Variants in AKAP12 observed in about 807,000 individuals in gnomAD.
AKAP12 encodes the protein A-kinase anchoring protein 12, also known as A-kinase anchor protein 12.
A neutral mutation model predicts 79.9 loss-of-function variants in AKAP12; 32 were observed. The observed-to-expected ratio is 0.40, with a 90% CI of 0.30 to 0.54. The LOEUF is 0.54. Ranked by LOEUF, AKAP12 falls within the 20% of genes least tolerant of loss-of-function variation. AKAP12 has a pLI of 0.48. For synonymous variants in AKAP12, 808 were observed against 857.0 expected, an observed-to-expected ratio of 0.94 and a Z score of 1.00; for missense variants, 2,074 against 2,177.0, an observed-to-expected ratio of 0.95 and a Z score of 0.94.
In AKAP12 at chr6:151,352,584, C is replaced by T; in HGVS notation, c.4193C>T (p.Pro1398Leu). ...AGCAGTTTGGAAGGAAGCCCTCCTC[C>T]CTGCCTAGGTCAAGAGGAGGCAGTA... The part of the protein sequence containing the change: ...EVSSLEGSPP[P>L]CLGQEEAVCT... Residue 1398 changes from proline (P) to leucine (L), a missense_variant, in exon 4 of 5, where the codon CCC (proline) becomes CTC (leucine). This residue lies in a region of AKAP12 where 614 missense variants were observed against 665.6 expected (regional missense o/e 0.92). Coordinates refer to ENST00000402676, the MANE Select transcript of AKAP12 (RefSeq NM_005100.4). 1.2e-6 allele frequency: 2 copies of T among 1,614,140 alleles called. No homozygotes were observed. Among genetic ancestry groups the T allele is most frequent in the African/African-American group, 1.3e-5 (1 of 75,014 alleles).
chr6:151,351,554 C>G lies in AKAP12; in HGVS notation c.3163C>G (p.Gln1055Glu), dbSNP rs781370980. ...AVAEKVKEES[Q>E]LPGTGGPEDV... ...GGCAGAAAAAGTGAAAGAGGAATCC[C>G]AGCTGCCTGGCACCGGTGGGCCAGA... Residue 1055 changes from glutamine to glutamate, a missense_variant, in exon 4 of 5, where the codon CAG (glutamine) becomes GAG (glutamate). Gln to Glu is a conservative substitution (Grantham distance 29). Around this residue, in one of 3 missense-constraint regions of AKAP12, gnomAD observed 1,428 missense variants for 1,451.0 expected, o/e 0.98. Transcript: ENST00000402676. The surrounding 1 kb of genome is among the most constrained non-coding windows in gnomAD (Gnocchi z 4.4). 1.6e-5 allele frequency: 26 copies of G among 1,613,970 alleles called. No homozygotes were observed. Among genetic ancestry groups the G allele is most frequent in the Non-Finnish European group, 2.1e-5 (25 of 1,180,036 alleles).
intron 3 of AKAP12, among the ~76,000 whole-genome samples, chr6:151,345,926 T>TGAGAGA (rs1562750399): frequency 9.3e-6 from 1 of 107,492 alleles, no homozygotes; most frequent in African/African-American, 3.1e-5. Flanking sequence ...TGTGTGTGTG[T>TGAGAGA]GTGTGTGAGA....
At chr6:151,332,039 T>TTGTTTTG (rs1562743243) in intron 3 of AKAP12, among the ~76,000 whole-genome samples, 21 of 138,282 alleles carry the variant, frequency 1.5e-4, no homozygotes, top group Middle Eastern at 3.5e-3. Flanking sequence ...GTCTGTTTTT[T>TTGTTTTG]TTTTTTTTTT....
rs529839664 is a variant in AKAP12 at position 151,270,214 on chromosome 6, G to A, written c.162+29490G>A. Among the ~76,000 whole-genome samples, 9 of 152,194 alleles carry A rather than the reference G, an allele frequency of 5.9e-5. No individual in the cohort carries two copies. In the South Asian group the frequency reaches 1.2e-3, roughly 21 times the overall value. On this transcript the variant is annotated intron_variant, in intron 2 of 4. Transcript: ENST00000402676. ...TGGGATTACAGGCATGCACCACCAC[G>A]CTGGGCTAATTTTTTGTATTTTTAG...
At chr6:151,312,793 C>CAAAAAAAAAAAAAAAAAAAAAAAAAAA (rs55685824) in intron 3 of AKAP12, among the ~76,000 whole-genome samples, 2 of 72,994 alleles carry the variant, frequency 2.7e-5, no homozygotes, top group African/African-American at 5.5e-5. Flanking sequence ...ACTCTGTCTC[C>CAAAAAAAAAAAAAAAAAAAAAAAAAAA]AAAAAAAAAA....
rs143328297 is a variant in AKAP12, at chr6:151,266,199, A to G, written c.162+25475A>G. Among the ~76,000 whole-genome samples, 961 of 152,338 alleles carry G rather than the reference A, an allele frequency of 6.3e-3. 11 individuals carry two copies. The highest frequency in any genetic ancestry group is 0.022 in the African/African-American group (919 of 41,576). On this transcript the variant is annotated intron_variant, in intron 2 of 4. Transcript: ENST00000402676. ...AAGTGAAGACGGACATCTCAAAGTG[A>G]CAAATGATTTAAAAAGTTAAAAGTT...
At chr6:151,335,506 G>C (rs937750413) in intron 3 of AKAP12, among the ~76,000 whole-genome samples, 1 of 151,854 alleles carries the variant, frequency 6.6e-6, no homozygotes, top group Non-Finnish European at 1.5e-5. Flanking sequence ...TTGAGATGGA[G>C]ACTCACTCTG....
At chr6:151,254,134 G>A (rs972504589) in intron 2 of AKAP12, among the ~76,000 whole-genome samples, 2 of 152,136 alleles carry the variant, frequency 1.3e-5, no homozygotes, top group Non-Finnish European at 2.9e-5. Flanking sequence ...CTATTGAAAA[G>A]CAGTGGAACA....
chr6:151,275,113 A>AT (rs1003330715), intron 2 of AKAP12, among the ~76,000 whole-genome samples: 8 of 150,556 alleles, frequency 5.3e-5, no homozygotes, highest in East Asian at 2.0e-4. Context: ...CAAAAAAAAA[A>AT]TTTTTTTTTA....
intron 3 of AKAP12, among the ~76,000 whole-genome samples, chr6:151,345,695 G>A (rs1778074931): frequency 6.6e-6 from 1 of 151,482 alleles, no homozygotes; most frequent in Non-Finnish European, 1.5e-5. Flanking sequence ...TACTCGGGAG[G>A]CTGAGGCAGG....
rs116881919 is a variant in AKAP12, at chr6:151,307,972, G to C, written c.319+2069G>C. Reference sequence around the variant, plus strand: ...ATCTGCCTCCCCGCGCACATCCCCCGCCTCCGGCTCCAGTGATTCTCCTGC... The same window carrying C: ...ATCTGCCTCCCCGCGCACATCCCCCCCCTCCGGCTCCAGTGATTCTCCTGC... On this transcript the variant is annotated intron_variant, in intron 3 of 4. Transcript: ENST00000402676. 1.9e-4 allele frequency among the ~76,000 whole-genome samples: 29 copies of C among 152,044 alleles called. No homozygotes were observed. In the East Asian group the frequency reaches 5.4e-3, roughly 28 times the overall value.
chr6:151,353,091 C>G lies in AKAP12; in HGVS notation c.4700C>G (p.Thr1567Arg), dbSNP rs146430200. The change falls in exon 4 of 5, where the codon ACA becomes AGA. Residue 1567 changes from threonine (T) to arginine (R), a missense_variant. Thr to Arg is a moderately conservative substitution (Grantham distance 71). Coordinates refer to ENST00000402676, the MANE Select transcript of AKAP12 (RefSeq NM_005100.4). ...AVDQFVRTEE[T>R]ATEMLTSELQ... is the part of the protein sequence containing the mutation. ...GACCAGTTTGTACGTACAGAAGAAA[C>G]AGCCACCGAAATGTTGACGTCTGAG... 3.0e-5 allele frequency: 49 copies of G among 1,614,076 alleles called. No homozygotes were observed. The highest frequency in any genetic ancestry group is 4.1e-5 in the Non-Finnish European group (48 of 1,180,044).
chr6:151,301,377 G>A (rs1446206828), intron 2 of AKAP12, among the ~76,000 whole-genome samples: 1 of 152,132 alleles, frequency 6.6e-6, no homozygotes, highest in Admixed American at 6.5e-5. Flanking sequence ...GTGAATGCTT[G>A]TGCCTGTATA....
chr6:151,323,066 T>G (rs1453698091), intron 3 of AKAP12, among the ~76,000 whole-genome samples: 3 of 152,222 alleles, frequency 2.0e-5, no homozygotes, highest in African/African-American at 7.2e-5. Context: ...TCTTTACTCC[T>G]GCTTTTATCC....
At chr6:151,300,285 G>A (rs1397013448) in intron 2 of AKAP12, among the ~76,000 whole-genome samples, 1 of 152,118 alleles carries the variant, frequency 6.6e-6, no homozygotes, top group Admixed American at 6.5e-5. Context: ...TCCCACGAAG[G>A]CCACTTACAG....
intron 3 of AKAP12, among the ~76,000 whole-genome samples, chr6:151,330,915 C>A (rs756802489): frequency 4.6e-5 from 7 of 152,116 alleles, no homozygotes; most frequent in Non-Finnish European, 1.0e-4. Context: ...GTAGCTTAGC[C>A]CTTCTTGGGA....
At chr6:151,324,537 G>A (rs1186275728) in intron 3 of AKAP12, 6 of 985,294 alleles carry the variant, frequency 6.1e-6, no homozygotes, top group South Asian at 4.7e-5. Context: ...TGTGGTCTAC[G>A]CCGAGGCTCC....
intron 3 of AKAP12, among the ~76,000 whole-genome samples, chr6:151,342,313 C>T (rs1777973101): frequency 6.6e-6 from 1 of 152,238 alleles, no homozygotes; most frequent in South Asian, 2.1e-4. Context: ...GTTCCAAGCC[C>T]AGTGGGTGGC....
In AKAP12 at chr6:151,307,720, A is replaced by G. The variant is rs574185144; in HGVS notation, c.319+1817A>G. ...TCTTTTACATTTCAGCCACGTGGGTAAACACTGATTTTCACAGTGAGTGAT... is the reference window on the plus strand; with the variant it reads ...TCTTTTACATTTCAGCCACGTGGGTGAACACTGATTTTCACAGTGAGTGAT... On this transcript the variant is annotated intron_variant, in intron 3 of 4. Transcript: ENST00000402676. Among the ~76,000 whole-genome samples, 19 of 152,284 alleles carry G rather than the reference A, an allele frequency of 1.2e-4. No individual in the cohort carries two copies. The South Asian group carries it at 3.7e-3, about 30-fold the overall frequency.
Sources: allele counts gnomAD v4.1 joint callset (sites outside exome capture counted in the v4.1 genomes callset), GRCh38; gene constraint gnomAD v4.1.1; regional missense constraint gnomAD v4.1.1; non-coding constraint Gnocchi (gnomAD v3.1); transcripts MANE v1.5; gene names NCBI Gene and HGNC (gene_info 2026-07-23, HGNC 2026-07-21).